RARB: variants seen among roughly 807,000 people sequenced by gnomAD.
The protein encoded by RARB is HBV-activated protein.
RARB carries 17 observed loss-of-function variants against 51.9 expected under a neutral mutation model. The ratio of observed to expected loss-of-function variants is 0.33; its 90% CI spans 0.22 to 0.49. The LOEUF (loss-of-function observed/expected upper bound fraction) is 0.49, where lower values mean the gene tolerates loss of function less well. Ranked by LOEUF, RARB falls within the 20% of genes least tolerant of loss-of-function variation. The pLI, the probability that RARB is intolerant of heterozygous loss-of-function variation, is 0.99. For missense variants in RARB, 369 were observed against 550.8 expected (o/e 0.67, Z 3.30); for synonymous variants, 215 against 195.4 (o/e 1.10, Z -0.84).
intron 5 of RARB, among the ~76,000 whole-genome samples, chr3:25,367,716 C>G (rs1477374871): frequency 6.6e-6 from 1 of 150,594 alleles, no homozygotes; most frequent in African/African-American, 2.4e-5. Flanking sequence ...GTCTCAGCTA[C>G]CTGGAGGGCT....
At chr3:25,540,147 A>G (rs1295158000) in intron 3 of RARB, among the ~76,000 whole-genome samples, 1 of 152,152 alleles carries the variant, frequency 6.6e-6, no homozygotes, top group Non-Finnish European at 1.5e-5. Flanking sequence ...TGGTTATTTT[A>G]TTTATTGACC....
intron 1 of RARB, among the ~76,000 whole-genome samples, chr3:25,456,682 T>TATATATATAGAGAGAGAG (rs1491372969): frequency 2.3e-5 from 2 of 88,394 alleles, no homozygotes; most frequent in Admixed American, 2.4e-4. Context: ...TATATATATA[T>TATATATATAGAGAGAGAG]AGAGAGAGAG....
At chr3:25,475,609 A>G (rs1695907716) in intron 2 of RARB, among the ~76,000 whole-genome samples, 1 of 152,182 alleles carries the variant, frequency 6.6e-6, no homozygotes, top group African/African-American at 2.4e-5. Flanking sequence ...TTTTTCTTCA[A>G]GCCATCTGGG....
chr3:25,195,279 G>T (rs1701204979), intron 5 of RARB, among the ~76,000 whole-genome samples: 2 of 151,922 alleles, frequency 1.3e-5, no homozygotes, highest in South Asian at 2.1e-4. Flanking sequence ...ACTTAAAATT[G>T]TATCACTTAA....
At chr3:24,946,061 C>T (rs537287081) in intron 2 of RARB, among the ~76,000 whole-genome samples, 3 of 151,952 alleles carry the variant, frequency 2.0e-5, no homozygotes, top group African/African-American at 7.2e-5. Flanking sequence ...GTCAGGAGAT[C>T]GAGATCATCC....
intron 5 of RARB, among the ~76,000 whole-genome samples, chr3:25,237,521 C>G (rs923279356): frequency 6.6e-6 from 1 of 151,970 alleles, no homozygotes; most frequent in Non-Finnish European, 1.5e-5. Context: ...AAAAAAGCCA[C>G]CCTCCAAAAA....
intron 5 of RARB, among the ~76,000 whole-genome samples, chr3:25,351,791 C>G (rs954909801): frequency 6.6e-6 from 1 of 152,166 alleles, no homozygotes; most frequent in South Asian, 2.1e-4. Context: ...TATGGCTACT[C>G]TACTCACAGC....
intron 3 of RARB, among the ~76,000 whole-genome samples, chr3:25,123,482 C>T (rs1190318774): frequency 6.6e-6 from 1 of 152,208 alleles, no homozygotes; most frequent in East Asian, 1.9e-4. Context: ...CTTTTCTACA[C>T]ATGTATCTCT....
intron 5 of RARB, among the ~76,000 whole-genome samples, chr3:25,333,646 G>A (rs1472086549): frequency 6.6e-6 from 1 of 152,146 alleles, no homozygotes; most frequent in Non-Finnish European, 1.5e-5. Context: ...AACACCAAAA[G>A]CAATGGCAAC....
intron 3 of RARB, among the ~76,000 whole-genome samples, chr3:25,084,353 C>T (rs1575153152): frequency 1.3e-5 from 2 of 152,040 alleles, no homozygotes; most frequent in South Asian, 2.1e-4. Flanking sequence ...TTTAGAAGAA[C>T]TCTGAAGGTT....
intron 2 of RARB, among the ~76,000 whole-genome samples, chr3:25,026,095 C>T (rs190858095): frequency 3.9e-5 from 6 of 152,082 alleles, no homozygotes; most frequent in Non-Finnish European, 5.9e-5. Flanking sequence ...CTTGCTCCCC[C>T]CACCTTGAGA....
intron 1 of RARB, among the ~76,000 whole-genome samples, chr3:24,852,200 G>A (rs1223175153): frequency 3.3e-5 from 5 of 152,176 alleles, no homozygotes; most frequent in African/African-American, 1.2e-4. Flanking sequence ...TCCAATAAAT[G>A]TTGGATGTAT....
intron 2 of RARB, among the ~76,000 whole-genome samples, chr3:24,869,073 C>T (rs373977092): frequency 6.6e-6 from 1 of 152,126 alleles, no homozygotes; most frequent in Non-Finnish European, 1.5e-5. Flanking sequence ...TTTTCATCAA[C>T]ACCCTTCATG....
rs550599933 is a variant in RARB, at chr3:24,989,570, T to A, written c.-379-70555T>A. ...TATCATCTCCCCTTGATGTTTAATA[T>A]ATATTTTTCTGATTATTAGTGAAGT... On this transcript the variant is annotated intron_variant, in intron 2 of 11. Coordinates refer to the RARB transcript ENST00000383772. Among the ~76,000 whole-genome samples, 2 of 108,342 alleles carry A rather than the reference T, an allele frequency of 1.8e-5. 1 individual carries two copies. The highest frequency in any genetic ancestry group is 6.0e-4 in the East Asian group (2 of 3,356). 71.1% of individuals were successfully genotyped at this position (108,342 alleles called of 152,430 possible).
rs559918112 is a variant in RARB, at chr3:25,339,697, A to T, written c.179-121496A>T. Reference sequence around the variant, plus strand: ...AGGCACAGGGATCTTGCTCTCTTGGATCCTGTGTTATAGCCGTGGTTTGGA... The same window carrying T: ...AGGCACAGGGATCTTGCTCTCTTGGTTCCTGTGTTATAGCCGTGGTTTGGA... On this transcript the variant is annotated intron_variant, in intron 5 of 11. Coordinates refer to the RARB transcript ENST00000383772. 5.3e-5 allele frequency among the ~76,000 whole-genome samples: 8 copies of T among 151,718 alleles called. No homozygotes were observed. The South Asian group carries it at 1.5e-3, about 28-fold the overall frequency.
rs544423795 is a variant in RARB at position 25,451,772 on chromosome 3, C to A, written c.158-9421C>A. ...AAATAGATATATAGTACATAAGCAA[C>A]GAATGTGTGTGTGGATATCTGAAAT... On this transcript the variant is annotated intron_variant, in intron 1 of 7. Coordinates refer to ENST00000330688, the MANE Select transcript of RARB (RefSeq NM_000965.5). Among the ~76,000 whole-genome samples the A allele has an allele frequency of 5.3e-5, 8 of 152,166 alleles. No homozygotes were observed. In the South Asian group the frequency reaches 1.7e-3, roughly 32 times the overall value.
At chr3:25,358,523 T>C (rs1575339594) in intron 5 of RARB, among the ~76,000 whole-genome samples, 1 of 152,322 alleles carries the variant, frequency 6.6e-6, no homozygotes, top group South Asian at 2.1e-4. Flanking sequence ...CTATGTTGAA[T>C]AGGAGTGGTG....
chr3:24,871,404 G>T (rs897723335), intron 2 of RARB, among the ~76,000 whole-genome samples: 1 of 152,020 alleles, frequency 6.6e-6, no homozygotes, highest in African/African-American at 2.4e-5. Context: ...AGTCCTTCTT[G>T]ACACAATTTT....
intron 5 of RARB, among the ~76,000 whole-genome samples, chr3:25,297,606 A>G (rs1703946957): frequency 6.6e-6 from 1 of 152,110 alleles, no homozygotes. Context: ...CTAATCATGT[A>G]CAGGGAAAAG....
Sources: gnomAD v4.1 joint callset for allele counts (sites outside exome capture counted in the v4.1 genomes callset) on GRCh38, gnomAD v4.1.1 for gene constraint, MANE v1.5 for transcripts, NCBI Gene and HGNC (gene_info 2026-07-23, HGNC 2026-07-21) for gene names.